Variants in SYK observed in about 807,000 individuals in gnomAD.
SYK encodes the protein spleen associated tyrosine kinase, also known as tyrosine-protein kinase SYK.
SYK carries 16 observed loss-of-function variants against 77.8 expected under a neutral mutation model. The ratio of observed to expected loss-of-function variants is 0.21; its 90% CI spans 0.14 to 0.31. The LOEUF is 0.31. Ranked by LOEUF, SYK falls within the 10% of genes least tolerant of loss-of-function variation. The pLI is 1.00. For synonymous variants in SYK, 312 were observed against 308.7 expected (o/e 1.01, Z -0.11); for missense variants, 529 against 814.4 (o/e 0.65, Z 4.26).
chr9:90,811,817 T>C (rs1209705197), intron 1 of SYK, among the ~76,000 whole-genome samples: 1 of 149,508 alleles, frequency 6.7e-6, no homozygotes, highest in Non-Finnish European at 1.5e-5. Context: ...CCCAGCTACA[T>C]GGGGGCGCTG....
intron 1 of SYK, among the ~76,000 whole-genome samples, chr9:90,810,720 G>A (rs999656643): frequency 6.6e-6 from 1 of 152,178 alleles, no homozygotes; most frequent in East Asian, 1.9e-4. Flanking sequence ...ACGGTAAAGT[G>A]TTTCTTTCAC....
chr9:90,867,565 G>C (rs898299009), intron 7 of SYK, among the ~76,000 whole-genome samples: 2 of 152,352 alleles, frequency 1.3e-5, no homozygotes, highest in South Asian at 4.1e-4. Context: ...ACGTGTTGCA[G>C]TGTTCTGGTA....
chr9:90,844,366 A>T, intron 2 of SYK, 51 bp downstream of exon 2: 4 of 1,486,822 alleles, frequency 2.7e-6, no homozygotes, highest in Non-Finnish European at 3.6e-6. Flanking sequence ...CTGTGACCCC[A>T]CACAGACTTC....
chr9:90,877,471 G>T lies in SYK; in HGVS notation c.1182-100G>T, dbSNP rs530683391. Reference sequence around the variant, plus strand: ...TTGCCACTCTGTGGCAGGTATTTCCGTGGGACTGTTTCCACAGGGGGATTA... The same window carrying T: ...TTGCCACTCTGTGGCAGGTATTTCCTTGGGACTGTTTCCACAGGGGGATTA... On this transcript the variant is annotated intron_variant, in intron 9 of 13. Transcript: ENST00000375754. 11 of 1,343,078 alleles carry T rather than the reference G, an allele frequency of 8.2e-6. No individual in the cohort carries two copies. In the South Asian group the frequency reaches 1.5e-4, roughly 18 times the overall value. The allele number at this position is 1,343,078 out of a possible 1,614,324, so 83.2% of individuals were successfully genotyped here.
At chr9:90,877,943 A>G (rs1164689779) in intron 10 of SYK, among the ~76,000 whole-genome samples, 163 bp downstream of exon 10, 2 of 152,108 alleles carry the variant, frequency 1.3e-5, no homozygotes, top group Non-Finnish European at 1.5e-5. Flanking sequence ...ACAGGGAGAC[A>G]TAGTCTTTGG....
intron 11 of SYK, among the ~76,000 whole-genome samples, chr9:90,881,941 A>C (rs1367558831): frequency 6.6e-6 from 1 of 152,236 alleles, no homozygotes; most frequent in African/African-American, 2.4e-5. Flanking sequence ...TGGTCCAATC[A>C]GTCATAGCAG....
chr9:90,886,181 A>G (rs1365912144), intron 11 of SYK, among the ~76,000 whole-genome samples: 1 of 152,244 alleles, frequency 6.6e-6, no homozygotes, highest in Non-Finnish European at 1.5e-5. Context: ...AAGAAGATAT[A>G]CAAATGGCCA....
intron 4 of SYK, among the ~76,000 whole-genome samples, chr9:90,864,357 C>T (rs1363784057): frequency 6.6e-6 from 1 of 152,142 alleles, no homozygotes; most frequent in Non-Finnish European, 1.5e-5. Flanking sequence ...CCTAAAATAC[C>T]ACTTTCTGGC....
intron 6 of SYK, among the ~76,000 whole-genome samples, chr9:90,865,543 A>G (rs1413619804): frequency 6.6e-6 from 1 of 152,068 alleles, no homozygotes; most frequent in Non-Finnish European, 1.5e-5. Context: ...TCCTGGCCTC[A>G]AGTTATCCTC....
chr9:90,823,033 G>A (rs1825569606), intron 1 of SYK, among the ~76,000 whole-genome samples: 1 of 152,140 alleles, frequency 6.6e-6, no homozygotes, highest in African/African-American at 2.4e-5. Flanking sequence ...TACTCTCCAA[G>A]GGAAAACACT....
chr9:90,859,124 C>T (rs769784462), intron 3 of SYK, among the ~76,000 whole-genome samples: 12 of 152,096 alleles, frequency 7.9e-5, no homozygotes, highest in Non-Finnish European at 1.5e-4. Flanking sequence ...TAAATAGGTA[C>T]AACTTAATGA....
intron 1 of SYK, among the ~76,000 whole-genome samples, chr9:90,836,496 G>A (rs1294917276): frequency 1.3e-5 from 2 of 152,038 alleles, no homozygotes; most frequent in Non-Finnish European, 2.9e-5. Context: ...AATCATAATT[G>A]CATAAAATTA....
intron 1 of SYK, among the ~76,000 whole-genome samples, chr9:90,812,499 GC>G (rs1231518237): frequency 6.6e-6 from 1 of 152,150 alleles, no homozygotes; most frequent in Non-Finnish European, 1.5e-5. Context: ...CTGGGGTGCA[GC>G]CTGCCTTCAG....
At chr9:90,843,437 T>G (rs1826451146) in intron 1 of SYK, among the ~76,000 whole-genome samples, 1 of 152,194 alleles carries the variant, frequency 6.6e-6, no homozygotes. Context: ...TCTCTAACAT[T>G]GTCTGGACTC....
intron 1 of SYK, among the ~76,000 whole-genome samples, chr9:90,829,730 C>G (rs938512182): frequency 1.3e-5 from 2 of 152,196 alleles, no homozygotes; most frequent in Non-Finnish European, 2.9e-5. Flanking sequence ...TTGAATGAAT[C>G]AATCAGTTAG....
intron 1 of SYK, among the ~76,000 whole-genome samples, chr9:90,812,839 C>T (rs1451244861): frequency 3.3e-5 from 5 of 151,532 alleles, no homozygotes; most frequent in African/African-American, 9.7e-5. Flanking sequence ...GTCCTTTCCA[C>T]GGGAACTTAT....
intron 3 of SYK, among the ~76,000 whole-genome samples, chr9:90,851,281 C>T (rs78206268): frequency 0.03 from 4,634 of 152,292 alleles, 242 homozygotes; most frequent in African/African-American, 0.11. Context: ...TCAGAACACA[C>T]AGAGGCGTCC....
At chr9:90,811,769 A>AAAC in intron 1 of SYK, among the ~76,000 whole-genome samples, 1 of 150,880 alleles carries the variant, frequency 6.6e-6, no homozygotes, top group Non-Finnish European at 1.5e-5. Flanking sequence ...AATACCAAAA[A>AAAC]AAAAAACTAG....
At chr9:90,874,647 C>T (rs774297437) in intron 8 of SYK, 25 bp from the exon 9 acceptor site, 8 of 1,598,166 alleles carry the variant, frequency 5.0e-6, no homozygotes, top group Non-Finnish European at 6.8e-6. Context: ...AGCCCCAGGT[C>T]GTATGTTTCT....
Sources: allele counts gnomAD v4.1 joint callset (sites outside exome capture counted in the v4.1 genomes callset), GRCh38; gene constraint gnomAD v4.1.1; transcripts MANE v1.5; gene names NCBI Gene and HGNC (gene_info 2026-07-23, HGNC 2026-07-21).